Variants in FAM200A observed in about 807,000 individuals in gnomAD.
FAM200A encodes the protein protein FAM200A.
Under a neutral mutation model 44.2 loss-of-function variants are expected in FAM200A, and 26 were observed. The ratio of observed to expected loss-of-function variants is 0.59; its 90% CI spans 0.43 to 0.82. The LOEUF is 0.82. Ranked by LOEUF, FAM200A falls within the 40% of genes least tolerant of loss-of-function variation. The pLI, the probability that FAM200A is intolerant of heterozygous loss-of-function variation, is 0.00. For synonymous variants in FAM200A, 206 were observed against 244.4 expected (o/e 0.84, Z 1.47); for missense variants, 606 against 669.5 (o/e 0.91, Z 1.05).
intron 1 of FAM200A, among the ~76,000 whole-genome samples, chr7:99,549,727 G>T (rs1267451890): frequency 6.6e-6 from 1 of 152,126 alleles, no homozygotes; most frequent in Non-Finnish European, 1.5e-5. Flanking sequence ...CCATAAAAAA[G>T]GATGAGTTTA....
In FAM200A at chr7:99,547,217, A is replaced by C. The variant is rs1437317067; in HGVS notation, c.1191T>G (p.Tyr397Ter). The change falls in exon 2 of 2, where the codon TAT becomes TAG. Residue 397 changes from tyrosine (Y) to a stop codon, truncating the protein, a stop_gained. Transcript: ENST00000449309. LOFTEE classifies it high-confidence loss of function. ...ARLKSNRPSY[Y>*]MFPTLLQHIE... is the part of the protein sequence containing the mutation. ...TGTGTTGCAATAATGTTGGAAACAT[A>C]TAGTAGCTAGGGCGGTTACTTTTAA... 12 of 1,550,594 alleles carry C rather than the reference A, an allele frequency of 7.7e-6. No individual in the cohort carries two copies. The East Asian group carries it at 2.9e-4, about 38-fold the overall frequency.
chr7:99,546,888 G>A lies in FAM200A; in HGVS notation c.1520C>T (p.Pro507Leu). 1 of 1,549,542 alleles carries A rather than the reference G, an allele frequency of 6.5e-7. No homozygotes were observed. The highest frequency in any genetic ancestry group is 1.2e-5 in the South Asian group (1 of 83,312). Reference sequence around the variant, plus strand: ...CAATATACTCTTCCTACTTAGCAGTGGAAAGTCATCTTTAATCTTAATCCA... The same window carrying A: ...CAATATACTCTTCCTACTTAGCAGTAGAAAGTCATCTTTAATCTTAATCCA... ...AFWIKIKDDF[P>L]LLSRKSILLL... The change falls in exon 2 of 2, where the codon CCA (proline) becomes CTA (leucine). Residue 507 changes from proline (P) to leucine (L), a missense_variant. Coordinates refer to ENST00000449309, the MANE Select transcript of FAM200A (RefSeq NM_145111.4).
chr7:99,553,089 ATATATATATATTTTT>A (rs1249558183), upstream of FAM200A, among the ~76,000 whole-genome samples: 138 of 100,288 alleles, frequency 1.4e-3, 1 homozygote, highest in African/African-American at 6.0e-3. Flanking sequence ...ATATATATAT[ATATATATATATTTTT>A]TTTTTTTTTT....
At chr7:99,549,440 C>T (rs987482708) in intron 1 of FAM200A, among the ~76,000 whole-genome samples, 4 of 152,160 alleles carry the variant, frequency 2.6e-5, no homozygotes, top group Admixed American at 2.0e-4. Flanking sequence ...AATACTTTTA[C>T]GTTGTTGGTG....
intron 1 of FAM200A, among the ~76,000 whole-genome samples, chr7:99,551,553 C>T (rs1314999621): frequency 6.6e-6 from 1 of 152,126 alleles, no homozygotes; most frequent in Non-Finnish European, 1.5e-5. Flanking sequence ...ATATCATCCG[C>T]GGACACTGGC....
At chr7:99,554,999 C>G (rs1001978842), upstream of FAM200A, among the ~76,000 whole-genome samples, 2 of 152,162 alleles carry the variant, frequency 1.3e-5, no homozygotes, top group African/African-American at 2.4e-5. Flanking sequence ...GCTCCAGAAT[C>G]TTAGGTATTT....
Position 99,548,056 on chromosome 7 carries a change from G to A in FAM200A, c.352C>T (p.Arg118Ter), listed in dbSNP as rs1159631601. ...AAATGTTTTGCAATCGTACAGATTC[G>A]ACGAGATATTGTATTATCACTAAGA... is the stretch of plus-strand genomic sequence containing the variant. ...IPLSDNTISR[R>*]ICTIAKHLEA... Residue 118 changes from arginine (R) to a stop codon, truncating the protein, a stop_gained, in exon 2 of 2, where the codon CGA becomes TGA. Transcript: ENST00000449309. LOFTEE classifies it high-confidence loss of function. The A allele has an allele frequency of 5.2e-6, 8 of 1,551,468 alleles. No homozygotes were observed. The Admixed American group carries it at 9.8e-5, about 19-fold the overall frequency.
At position 99,547,342 on chromosome 7, in the gene FAM200A, C is replaced by T. The variant is rs1190169747; in HGVS notation, c.1066G>A (p.Glu356Lys). The change falls in exon 2 of 2, where the codon GAA (glutamate) becomes AAA (lysine). Residue 356 changes from glutamate to lysine, a missense_variant. By Grantham distance (56) the Glu-to-Lys change is moderately conservative. Transcript: ENST00000449309. The stretch of plus-strand genomic sequence containing the variant: ...TTCCCCTGCATTTTCAGGCTTAATT[C>T]ATTAAGAATGCCAAAAATATCACTT... ...YLSDIFGILN[E>K]LSLKMQGKNN... is the part of the protein sequence containing the mutation. 1.3e-6 allele frequency: 2 copies of T among 1,549,928 alleles called. No homozygotes were observed. Among genetic ancestry groups the T allele is most frequent in the Admixed American group, 2.0e-5 (1 of 50,862 alleles).
rs1802443725 is a variant in FAM200A, at chr7:99,548,523, CG to C, written c.-99-18del. ...TTTGCTATCCTGCAGGGTAGAAAAA[CG>C]TAACAGCAGTATTAAAAAGCAACAT... is the stretch of plus-strand genomic sequence containing the variant. On this transcript the variant is annotated intron_variant, in intron 1 of 1. Coordinates refer to ENST00000449309, the MANE Select transcript of FAM200A (RefSeq NM_145111.4). 8.1e-6 allele frequency: 12 copies of C among 1,476,654 alleles called. No individual in the cohort carries two copies. The highest frequency in any genetic ancestry group is 2.7e-5 in the Admixed American group (1 of 36,828). 91.5% of individuals were successfully genotyped at this position (1,476,654 alleles called of 1,614,324 possible). A position where few individuals can be genotyped will look rare whatever the true frequency, so the allele number is the denominator to read the frequency against.
chr7:99,549,173 T>C (rs1262824958), intron 1 of FAM200A, among the ~76,000 whole-genome samples: 2 of 147,574 alleles, frequency 1.4e-5, no homozygotes, highest in African/African-American at 2.5e-5. Flanking sequence ...GAACTTGTAT[T>C]TCTTAAAAAT....
At chr7:99,552,123 G>A (rs894119343), upstream of FAM200A, 3 of 985,382 alleles carry the variant, frequency 3.0e-6, no homozygotes, top group Non-Finnish European at 2.4e-6. Flanking sequence ...ACAAAAGCCG[G>A]AAGTGCGTCA....
At position 99,558,032 on chromosome 7, in the gene FAM200A, T is replaced by C. The variant is rs142784318; in HGVS notation, c.-100+268A>G. The stretch of plus-strand genomic sequence containing the variant: ...CCTATCCCTGTTTCTGCATAGATTT[T>C]AGTCTTCCCACCAGGGACGCAACTG... On this transcript the variant is annotated intron_variant, in intron 1 of 1. Coordinates refer to the FAM200A transcript ENST00000408938. Among the ~76,000 whole-genome samples the C allele has an allele frequency of 3.3e-5, 5 of 152,290 alleles. No individual in the cohort carries two copies. The East Asian group carries it at 9.7e-4, about 29-fold the overall frequency.
At chr7:99,553,091 ATATATATATTTTT>A (rs1405109708), upstream of FAM200A, among the ~76,000 whole-genome samples, 91 of 96,906 alleles carry the variant, frequency 9.4e-4, no homozygotes, top group African/African-American at 4.9e-3. Context: ...ATATATATAT[ATATATATATTTTT>A]TTTTTTTTTT....
At chr7:99,553,234 A>G (rs1171505410), upstream of FAM200A, among the ~76,000 whole-genome samples, 1 of 150,760 alleles carries the variant, frequency 6.6e-6, no homozygotes, top group Non-Finnish European at 1.5e-5. Flanking sequence ...ATACATCCTC[A>G]TATTTCCTTC....
rs1415521410 is a variant in FAM200A at position 99,547,716 on chromosome 7, G to C, written c.692C>G (p.Ala231Gly). ...ATTCCAAACAGCATTGTTGTGGGTT[G>C]CTTCTAACAATTTTTCAGTAAGTCT... The part of the protein sequence containing the change: ...HSRLTEKLLE[A>G]THNNAVWNHC... The change falls in exon 2 of 2, where the codon GCA becomes GGA. Residue 231 changes from alanine to glycine, a missense_variant. Coordinates refer to ENST00000449309, the MANE Select transcript of FAM200A (RefSeq NM_145111.4). 6 of 1,551,604 alleles carry C rather than the reference G, an allele frequency of 3.9e-6. No homozygotes were observed. The East Asian group carries it at 1.5e-4, about 38-fold the overall frequency.
At position 99,549,187 on chromosome 7, in the gene FAM200A, AAAT is replaced by A. The variant is rs1802471825; in HGVS notation, c.-99-684_-99-682del. ...AGAACTTGTATTTCTTAAAAATAAG[AAAT>A]TAAGCTGCATAATTATTCAGTATTA... On this transcript the variant is annotated intron_variant, in intron 1 of 1. Coordinates refer to ENST00000449309, the MANE Select transcript of FAM200A (RefSeq NM_145111.4). 8.7e-5 allele frequency among the ~76,000 whole-genome samples: 12 copies of A among 138,672 alleles called. No homozygotes were observed. In the South Asian group the frequency reaches 1.2e-3, roughly 14 times the overall value. The allele number at this position is 138,672 out of a possible 152,430, so 91.0% of individuals were successfully genotyped here.
At chr7:99,553,809 C>T (rs1284184504), upstream of FAM200A, among the ~76,000 whole-genome samples, 1 of 152,216 alleles carries the variant, frequency 6.6e-6, no homozygotes, top group African/African-American at 2.4e-5. Context: ...GCCCAGTCTT[C>T]AACAGGCCAT....
chr7:99,557,412 G>A (rs189963426), intron 1 of FAM200A, among the ~76,000 whole-genome samples: 175 of 152,272 alleles, frequency 1.1e-3, no homozygotes, highest in Non-Finnish European at 2.2e-3. Context: ...GCTCTCCTAG[G>A]ATATTAAAAT....
chr7:99,552,382 T>C (rs1006808297), upstream of FAM200A, among the ~76,000 whole-genome samples: 1 of 152,200 alleles, frequency 6.6e-6, no homozygotes, highest in African/African-American at 2.4e-5. Flanking sequence ...AAAATAGTGA[T>C]TGTCTGTGGC....
Sources: gnomAD v4.1 joint callset for allele counts (sites outside exome capture counted in the v4.1 genomes callset) on GRCh38, gnomAD v4.1.1 for gene constraint, MANE v1.5 for transcripts, NCBI Gene and HGNC (gene_info 2026-07-23, HGNC 2026-07-21) for gene names.